The following DCLK1 variants were observed in gnomAD, a reference collection of about 807,000 sequenced individuals.
DCLK1 encodes the protein doublecortin like kinase 1, also known as serine/threonine-protein kinase DCLK1.
DCLK1 carries 16 observed loss-of-function variants against 86.2 expected under a neutral mutation model. The observed-to-expected ratio is 0.19, with a 90% CI of 0.13 to 0.28. The LOEUF (loss-of-function observed/expected upper bound fraction) is 0.28. Ranked by LOEUF, DCLK1 falls within the 10% of genes least tolerant of loss-of-function variation. The pLI is 1.00. For missense variants in DCLK1, 590 were observed against 940.2 expected (o/e 0.63, Z 4.87); for synonymous variants, 369 against 370.5 (o/e 1.00, Z 0.05).
chr13:36,073,940 T>C (rs1352880878), intron 3 of DCLK1, among the ~76,000 whole-genome samples: 3 of 152,228 alleles, frequency 2.0e-5, no homozygotes, highest in African/African-American at 7.2e-5. Context: ...TGTATTTCTA[T>C]AAGAACTATA....
chr13:35,918,723 C>G (rs1875583777), intron 4 of DCLK1, among the ~76,000 whole-genome samples: 1 of 151,996 alleles, frequency 6.6e-6, no homozygotes, highest in Admixed American at 6.6e-5. Flanking sequence ...AAAATGGGCA[C>G]TAATCATGAC....
At position 35,947,548 on chromosome 13, in the gene DCLK1, T is replaced by C. The variant is rs562635532; in HGVS notation, c.724-91A>G. The C allele has an allele frequency of 5.1e-4, 515 of 1,006,022 alleles. 4 individuals carry two copies. In the African/African-American group the frequency reaches 7.0e-3, roughly 14 times the overall value. 62.3% of individuals were successfully genotyped at this position (1,006,022 alleles called of 1,614,324 possible). ...CGAGCAGACATCTGCATAAAGCCCC[T>C]TCCCACCTAATGGAATCAACAGGGC... is the stretch of plus-strand genomic sequence containing the variant. On this transcript the variant is annotated intron_variant, in intron 3 of 16. Transcript: ENST00000360631.
intron 6 of DCLK1, chr13:35,847,067 C>T: frequency 1.1e-5 from 11 of 984,918 alleles, no homozygotes; most frequent in Non-Finnish European, 1.3e-5. Flanking sequence ...CCACTACAAG[C>T]CATCCATACA....
At chr13:35,790,368 T>G (rs2086690524) in intron 16 of DCLK1, among the ~76,000 whole-genome samples, 1 of 152,108 alleles carries the variant, frequency 6.6e-6, no homozygotes, top group Admixed American at 6.6e-5. Flanking sequence ...CAGCAGGTAG[T>G]TAGGTTTCTA....
rs546512028 is a variant in DCLK1, at chr13:35,908,745, C to T, written c.824-37405G>A. 2.6e-5 allele frequency among the ~76,000 whole-genome samples: 4 copies of T among 152,244 alleles called. No individual in the cohort carries two copies. In the East Asian group the frequency reaches 7.7e-4, roughly 29 times the overall value. On this transcript the variant is annotated intron_variant, in intron 4 of 16. Transcript: ENST00000360631. ...CTGACTCCTGGGTTCAAGCGATTCT[C>T]CTGCCTCAGCCTCCTGAGTAGCTGG...
At chr13:35,976,359 C>T (rs1879328607) in intron 3 of DCLK1, among the ~76,000 whole-genome samples, 1 of 151,820 alleles carries the variant, frequency 6.6e-6, no homozygotes, top group South Asian at 2.1e-4. Context: ...AGCATCTTGC[C>T]GAGGCTGGCA....
chr13:35,976,744 C>A (rs146200618), intron 3 of DCLK1, among the ~76,000 whole-genome samples: 1 of 151,394 alleles, frequency 6.6e-6, no homozygotes, highest in African/African-American at 2.4e-5. Context: ...CCGTTTTAGC[C>A]GGGATGGTCT....
At chr13:35,874,882 T>A (rs1346050489) in intron 4 of DCLK1, among the ~76,000 whole-genome samples, 2 of 152,252 alleles carry the variant, frequency 1.3e-5, no homozygotes, top group Non-Finnish European at 2.9e-5. Context: ...GGCCTCTGCC[T>A]AGCCTTTTGG....
chr13:35,968,055 A>C (rs1878872100), intron 3 of DCLK1, among the ~76,000 whole-genome samples: 1 of 152,104 alleles, frequency 6.6e-6, no homozygotes, highest in Non-Finnish European at 1.5e-5. Flanking sequence ...TTTAAAAAAA[A>C]AAATGAATGA....
At chr13:35,923,517 T>C (rs530437223) in intron 4 of DCLK1, among the ~76,000 whole-genome samples, 30 of 151,860 alleles carry the variant, frequency 2.0e-4, no homozygotes, top group African/African-American at 7.2e-4. Flanking sequence ...GTCAGGAGGC[T>C]TAGGAGGGAG....
At chr13:36,081,426 A>C (rs1250104772) in intron 3 of DCLK1, among the ~76,000 whole-genome samples, 1 of 152,098 alleles carries the variant, frequency 6.6e-6, no homozygotes, top group Non-Finnish European at 1.5e-5. Context: ...CACATATATA[A>C]AAAAAATTAA....
intron 2 of DCLK1, among the ~76,000 whole-genome samples, chr13:36,123,625 T>C (rs990512244): frequency 6.6e-6 from 1 of 152,244 alleles, no homozygotes; most frequent in Non-Finnish European, 1.5e-5. Flanking sequence ...CTACCATTTC[T>C]TTCTTTGTGA....
intron 6 of DCLK1, chr13:35,849,465 T>C (rs1870448972): frequency 1.8e-5 from 18 of 985,230 alleles, no homozygotes; most frequent in Non-Finnish European, 2.2e-5. Flanking sequence ...GCTTCACAAG[T>C]CTTAAACTGT....
intron 4 of DCLK1, among the ~76,000 whole-genome samples, chr13:35,878,904 G>T (rs983383648): frequency 2.0e-5 from 3 of 151,946 alleles, no homozygotes; most frequent in African/African-American, 7.3e-5. Flanking sequence ...TCCTGCCTCA[G>T]CCTCCTGAGC....
intron 3 of DCLK1, among the ~76,000 whole-genome samples, chr13:36,055,996 G>A (rs967386446): frequency 1.3e-5 from 2 of 151,424 alleles, no homozygotes; most frequent in African/African-American, 4.9e-5. Context: ...GGAGAAATAG[G>A]AACACTTTTA....
intron 5 of DCLK1, among the ~76,000 whole-genome samples, chr13:35,863,695 A>T (rs2153112909): frequency 6.6e-6 from 1 of 152,324 alleles, no homozygotes. Flanking sequence ...ATAAGGCTGA[A>T]TTCTCTACAC....
intron 16 of DCLK1, among the ~76,000 whole-genome samples, chr13:35,784,087 C>T (rs2086577181): frequency 6.6e-6 from 1 of 152,140 alleles, no homozygotes; most frequent in African/African-American, 2.4e-5. Flanking sequence ...GGAGCATTCA[C>T]AAAGTATGGC....
In DCLK1 at chr13:35,930,320, C is replaced by A. The variant is rs575357137; in HGVS notation, c.823+17038G>T. Among the ~76,000 whole-genome samples, 51 of 152,330 alleles carry A rather than the reference C, an allele frequency of 3.3e-4. No individual in the cohort carries two copies. In the South Asian group the frequency reaches 3.7e-3, roughly 11 times the overall value. On this transcript the variant is annotated intron_variant, in intron 4 of 16. Coordinates refer to ENST00000360631, the MANE Select transcript of DCLK1 (RefSeq NM_001330071.2). ...AGGAACAAAAACATAAGTTCCTATG[C>A]CCTGTGGACCCACACTGAAAGGAAA...
intron 3 of DCLK1, among the ~76,000 whole-genome samples, chr13:36,107,111 G>C (rs1460510671): frequency 8.2e-6 from 1 of 122,550 alleles, no homozygotes; most frequent in Non-Finnish European, 1.7e-5. Context: ...CTTTATAACA[G>C]GCAATGAGGA....
Sources: allele counts gnomAD v4.1 joint callset (sites outside exome capture counted in the v4.1 genomes callset), GRCh38; gene constraint gnomAD v4.1.1; transcripts MANE v1.5; gene names NCBI Gene and HGNC (gene_info 2026-07-23, HGNC 2026-07-21).